Variants in ELF1 observed in about 807,000 individuals in gnomAD.
ELF1 encodes the protein E74 like ETS transcription factor 1, also known as ETS-related transcription factor Elf-1.
A neutral mutation model predicts 59.9 loss-of-function variants in ELF1; 24 were observed. The ratio of observed to expected loss-of-function variants is 0.40; its 90% CI spans 0.29 to 0.56. The LOEUF (loss-of-function observed/expected upper bound fraction) is 0.56, where lower values mean the gene tolerates loss of function less well. Among genes scored for constraint, ELF1 ranks in the 20% least tolerant of loss-of-function variants. ELF1 has a pLI of 0.44. For missense variants in ELF1, 627 were observed against 742.2 expected (o/e 0.84, Z 1.80); for synonymous variants, 248 against 266.2 (o/e 0.93, Z 0.67).
In ELF1 at chr13:40,963,724, T is replaced by C. The variant is rs182528036; in HGVS notation, c.73-4708A>G. On this transcript the variant is annotated intron_variant, in intron 2 of 8. Transcript: ENST00000239882. ...GAGATTGAGAACATCCTGGCCAACATGGTAAAACCCTGCCTCTACTAAAAA... is the reference window on the plus strand; with the variant it reads ...GAGATTGAGAACATCCTGGCCAACACGGTAAAACCCTGCCTCTACTAAAAA... Among the ~76,000 whole-genome samples the C allele has an allele frequency of 5.3e-5, 8 of 152,160 alleles. No homozygotes were observed. In the East Asian group the frequency reaches 1.4e-3, roughly 26 times the overall value.
chr13:41,053,387 A>T (rs1877171073), intron 1 of ELF1, among the ~76,000 whole-genome samples: 1 of 152,084 alleles, frequency 6.6e-6, no homozygotes, highest in Non-Finnish European at 1.5e-5. Flanking sequence ...TTAACATTAT[A>T]TTTGACCATT....
Position 40,958,990 on chromosome 13 carries a change from G to A in ELF1, c.99C>T (p.Ala33=), listed in dbSNP as rs1432889056. ...RQLGDPAIFP[A]VIVEHVPGAD... ...CACCAGGAACATGTTCCACAATTAC[G>A]GCAGGAAAAATAGCTGGATCACCAA... is the stretch of plus-strand genomic sequence containing the variant. The change falls in exon 3 of 9, where the codon GCC becomes GCT. Residue 33 remains alanine (A), a synonymous_variant. Coordinates refer to ENST00000239882, the MANE Select transcript of ELF1 (RefSeq NM_172373.4). The A allele has an allele frequency of 4.3e-6, 7 of 1,611,178 alleles. No homozygotes were observed. Among genetic ancestry groups the A allele is most frequent in the East Asian group, 2.2e-5 (1 of 44,850 alleles).
At chr13:41,010,447 A>G (rs957483595) in intron 1 of ELF1, among the ~76,000 whole-genome samples, 3 of 135,960 alleles carry the variant, frequency 2.2e-5, no homozygotes, top group Admixed American at 2.2e-4. Context: ...CTACACCCCT[A>G]TCTCCCCCCC....
At chr13:40,943,430 CTG>C (rs202143052) in intron 6 of ELF1, among the ~76,000 whole-genome samples, 1 of 152,128 alleles carries the variant, frequency 6.6e-6, no homozygotes, top group East Asian at 1.9e-4. Context: ...TAATTTTTTT[CTG>C]TCTCTTTGTG....
intron 1 of ELF1, among the ~76,000 whole-genome samples, chr13:40,986,975 G>A (rs909938487): frequency 2.5e-5 from 3 of 117,730 alleles, no homozygotes; most frequent in Admixed American, 1.2e-4. Flanking sequence ...TCTCACTGTC[G>A]CCCAGGCTGG....
chr13:40,967,435 T>G lies in ELF1; in HGVS notation c.73-8419A>C, dbSNP rs573637047. On this transcript the variant is annotated intron_variant, in intron 2 of 8. Transcript: ENST00000239882. ...ATAATAGTATCTTCTGGAATTGTTG[T>G]AAGAATAATGTGTAAATAAATCATT... is the stretch of plus-strand genomic sequence containing the variant. Among the ~76,000 whole-genome samples, 3 of 152,346 alleles carry G rather than the reference T, an allele frequency of 2.0e-5. No homozygotes were observed. The South Asian group carries it at 6.2e-4, about 32-fold the overall frequency.
In ELF1 at chr13:40,993,117, G is replaced by A. The variant is rs143339307; in HGVS notation, c.-228-10835C>T. 567 of 1,596,482 alleles carry A rather than the reference G, an allele frequency of 3.6e-4. 3 individuals are homozygous for A. In the African/African-American group the frequency reaches 6.7e-3, roughly 19 times the overall value. On this transcript the variant is annotated intron_variant, in intron 1 of 8. Transcript: ENST00000239882. ...CCAGGGCAAGACTTCCTCTGCAGTG[G>A]GGTTTTGGCATTCCTCTAGGACCTG... is the stretch of plus-strand genomic sequence containing the variant.
rs12874589 is a variant in ELF1, at chr13:41,007,719, T to C, written c.-229+11509A>G. 2.6e-3 allele frequency among the ~76,000 whole-genome samples: 398 copies of C among 152,334 alleles called. 2 individuals carry two copies. Among genetic ancestry groups the C allele is most frequent in the Non-Finnish European group, 4.2e-3 (285 of 68,038 alleles). ...ATAAACTTTAATAAAAGTATATTTCTTCCATATAACATTTATTTAATCAAC... is the reference window on the plus strand; with the variant it reads ...ATAAACTTTAATAAAAGTATATTTCCTCCATATAACATTTATTTAATCAAC... On this transcript the variant is annotated intron_variant, in intron 1 of 8. Transcript: ENST00000239882.
chr13:41,042,290 A>G (rs1593409383), intron 1 of ELF1, among the ~76,000 whole-genome samples: 1 of 150,276 alleles, frequency 6.7e-6, no homozygotes, highest in Admixed American at 6.6e-5. Flanking sequence ...CTGGGGTTAC[A>G]GCTTTTTCTT....
chr13:40,962,171 A>G (rs1417332178), intron 2 of ELF1, among the ~76,000 whole-genome samples: 2 of 152,162 alleles, frequency 1.3e-5, no homozygotes, highest in African/African-American at 4.8e-5. Flanking sequence ...CACTGCTACC[A>G]ATTTCTTTGT....
chr13:41,059,738 T>C (rs1251349091), intron 1 of ELF1, among the ~76,000 whole-genome samples: 1 of 152,238 alleles, frequency 6.6e-6, no homozygotes, highest in Non-Finnish European at 1.5e-5. Flanking sequence ...GTCCCTTCTT[T>C]GTAATAAACA....
chr13:41,047,253 C>T (rs569429359), intron 1 of ELF1, among the ~76,000 whole-genome samples: 44 of 152,258 alleles, frequency 2.9e-4, no homozygotes, highest in Non-Finnish European at 4.3e-4. Flanking sequence ...GAAGTTTGAT[C>T]GTCTGAAGCC....
At chr13:40,969,990 T>C (rs1872428902) in intron 2 of ELF1, among the ~76,000 whole-genome samples, 1 of 152,232 alleles carries the variant, frequency 6.6e-6, no homozygotes, top group African/African-American at 2.4e-5. Flanking sequence ...GATTGTTCCC[T>C]GGCAATTTCC....
chr13:40,933,521 C>T lies in ELF1; in HGVS notation c.1764G>A (p.Gln588=). 6.2e-7 allele frequency: 1 copy of T among 1,614,236 alleles called. No homozygotes were observed. The highest frequency in any genetic ancestry group is 8.5e-7 in the Non-Finnish European group (1 of 1,180,052). The part of the protein sequence containing the change: ...LKENTEKTEQ[Q]PQPYVMVVSS... ...ACACTACCATCACATAAGGCTGTGGCTGCTGCTCCGTTTTCTCAGTGTTCT... is the reference window on the plus strand; with the variant it reads ...ACACTACCATCACATAAGGCTGTGGTTGCTGCTCCGTTTTCTCAGTGTTCT... The change falls in exon 9 of 9, where the codon CAG becomes CAA. Residue 588 remains glutamine (Q), a synonymous_variant. Coordinates refer to ENST00000239882, the MANE Select transcript of ELF1 (RefSeq NM_172373.4).
At chr13:40,971,489 G>A (rs983240715) in intron 2 of ELF1, among the ~76,000 whole-genome samples, 3 of 152,162 alleles carry the variant, frequency 2.0e-5, no homozygotes, top group South Asian at 2.1e-4. Flanking sequence ...GGGCTCAAGC[G>A]ATCTTTCTGC....
intron 1 of ELF1, among the ~76,000 whole-genome samples, chr13:41,053,939 A>C (rs916856526): frequency 6.6e-6 from 1 of 152,192 alleles, no homozygotes; most frequent in Non-Finnish European, 1.5e-5. Flanking sequence ...AAATCCACAA[A>C]AAAACGAGGC....
In ELF1 at chr13:40,976,629, C is replaced by A. The variant is rs1872920758; in HGVS notation, c.72+5354G>T. Among the ~76,000 whole-genome samples the A allele has an allele frequency of 2.0e-5, 3 of 152,196 alleles. 1 individual carries two copies. Among genetic ancestry groups the A allele is most frequent in the Admixed American group, 2.0e-4 (3 of 15,290 alleles). On this transcript the variant is annotated intron_variant, in intron 2 of 8. Transcript: ENST00000239882. ...CGATCTCAGCTCACTGCAACCTCCACCTACCGGGTTCAAGCAATTCTCTTG... is the reference window on the plus strand; with the variant it reads ...CGATCTCAGCTCACTGCAACCTCCAACTACCGGGTTCAAGCAATTCTCTTG...
chr13:41,044,075 A>G (rs1876738065), intron 1 of ELF1, among the ~76,000 whole-genome samples: 1 of 152,076 alleles, frequency 6.6e-6, no homozygotes, highest in African/African-American at 2.4e-5. Context: ...ATGGGAGTTC[A>G]CTCATTATTT....
intron 2 of ELF1, among the ~76,000 whole-genome samples, chr13:40,976,803 C>T (rs1872935435): frequency 6.6e-6 from 1 of 152,132 alleles, no homozygotes; most frequent in Non-Finnish European, 1.5e-5. Flanking sequence ...CTTTGGCCTC[C>T]CAAAGTGCTG....
Sources: allele counts gnomAD v4.1 joint callset (sites outside exome capture counted in the v4.1 genomes callset), GRCh38; gene constraint gnomAD v4.1.1; transcripts MANE v1.5; gene names NCBI Gene and HGNC (gene_info 2026-07-23, HGNC 2026-07-21).